EPB41L3: variants seen among roughly 807,000 people sequenced by gnomAD.
EPB41L3 encodes the protein band 4.1-like protein 3.
A neutral mutation model predicts 127.1 loss-of-function variants in EPB41L3; 57 were observed. The observed-to-expected ratio is 0.45, with a 90% CI of 0.36 to 0.56. The LOEUF is 0.56. Ranked by LOEUF, EPB41L3 falls within the 20% of genes least tolerant of loss-of-function variation. The pLI, the probability that EPB41L3 is intolerant of heterozygous loss-of-function variation, is 0.00. For synonymous variants in EPB41L3, 572 were observed against 549.5 expected (o/e 1.04, Z -0.57); for missense variants, 1,273 against 1,372.2 (o/e 0.93, Z 1.14).
rs1230437525 is a variant in EPB41L3, at chr18:5,392,889, A to C, written c.*596T>G. The C allele has an allele frequency of 2.0e-5, 3 of 152,674 alleles. No homozygotes were observed. The highest frequency in any genetic ancestry group is 7.2e-5 in the African/African-American group (3 of 41,452). 9.5% of individuals were successfully genotyped at this position (152,674 alleles called of 1,614,324 possible). A position where few individuals can be genotyped will look rare whatever the true frequency, so the allele number is the denominator to read the frequency against. ...CACAAAGCAAGATTGGAAGCATTAC[A>C]TATTTCCAGAGGGTCAGAGAGTCAT... On this transcript the variant is annotated 3_prime_UTR_variant, in exon 23 of 23. Coordinates refer to ENST00000341928, the MANE Select transcript of EPB41L3 (RefSeq NM_012307.5).
chr18:5,395,750 T>C, intron 19 of EPB41L3, 43 bp from the exon 20 acceptor site: 2 of 1,498,670 alleles, frequency 1.3e-6, no homozygotes, highest in Admixed American at 1.7e-5. Flanking sequence ...GGTGCTCACA[T>C]CTGCTCTTCA....
chr18:5,567,630 AAAG>A (rs2094224187), intron 3 of EPB41L3, among the ~76,000 whole-genome samples: 2 of 152,090 alleles, frequency 1.3e-5, no homozygotes, highest in Admixed American at 6.5e-5. Flanking sequence ...GGAAGGAAGG[AAAG>A]AAGGAAGGAA....
At chr18:5,459,610 A>G (rs143090903) in intron 3 of EPB41L3, among the ~76,000 whole-genome samples, 1,590 of 152,284 alleles carry the variant, frequency 0.01, 19 homozygotes, top group Non-Finnish European at 0.012. Flanking sequence ...ATATAAAGGA[A>G]GTTCTTAATC....
In EPB41L3 at chr18:5,393,123, A is replaced by C. The variant is rs2072669305; in HGVS notation, c.*362T>G. 1 of 220,760 alleles carries C rather than the reference A, an allele frequency of 4.5e-6. No homozygotes were observed. The highest frequency in any genetic ancestry group is 8.8e-6 in the Non-Finnish European group (1 of 113,654). 13.7% of individuals were successfully genotyped at this position (220,760 alleles called of 1,614,324 possible). On this transcript the variant is annotated 3_prime_UTR_variant, in exon 23 of 23. Transcript: ENST00000341928. ...ATTTTGTTTAGACTTTAATAATAAT[A>C]AACTATGAAAGGCATGAATTGTTTA... is the stretch of plus-strand genomic sequence containing the variant.
chr18:5,605,333 G>T (rs1475320834), intron 3 of EPB41L3, among the ~76,000 whole-genome samples: 2 of 152,098 alleles, frequency 1.3e-5, no homozygotes, highest in Admixed American at 1.3e-4. Flanking sequence ...AATTTCAAGT[G>T]TTAGGTACAC....
At chr18:5,557,655 G>C (rs1173359282) in intron 3 of EPB41L3, among the ~76,000 whole-genome samples, 1 of 152,208 alleles carries the variant, frequency 6.6e-6, no homozygotes, top group Non-Finnish European at 1.5e-5. Flanking sequence ...AAAGTGCTGG[G>C]ATTACAGGTG....
At chr18:5,400,278 G>A in intron 16 of EPB41L3, 2 of 253,196 alleles carry the variant, frequency 7.9e-6, no homozygotes, top group Non-Finnish European at 7.9e-6. Context: ...ATATGACCAG[G>A]TAGGTTAATA....
At chr18:5,609,645 AC>A (rs1262959046) in intron 3 of EPB41L3, among the ~76,000 whole-genome samples, 1 of 152,216 alleles carries the variant, frequency 6.6e-6, no homozygotes, top group Non-Finnish European at 1.5e-5. Flanking sequence ...TTATATCAAC[AC>A]ATCAACAACG....
intron 1 of EPB41L3, among the ~76,000 whole-genome samples, chr18:5,506,279 A>T (rs986003415): frequency 1.3e-5 from 2 of 152,114 alleles, no homozygotes; most frequent in Non-Finnish European, 2.9e-5. Flanking sequence ...ATGACTCTGC[A>T]TTTCCCTTAG....
At chr18:5,562,465 C>T (rs1248611257) in intron 3 of EPB41L3, among the ~76,000 whole-genome samples, 3 of 152,130 alleles carry the variant, frequency 2.0e-5, no homozygotes, top group Non-Finnish European at 1.5e-5. Context: ...TTCCATTTCT[C>T]CCTCAACCAA....
intron 1 of EPB41L3, among the ~76,000 whole-genome samples, chr18:5,628,485 G>C (rs1375273326): frequency 6.6e-6 from 1 of 152,190 alleles, no homozygotes; most frequent in African/African-American, 2.4e-5. Flanking sequence ...GCCTCGCCTC[G>C]CCTCCGGGAT....
At chr18:5,426,007 T>G (rs530423555) in intron 9 of EPB41L3, among the ~76,000 whole-genome samples, 1 of 152,288 alleles carries the variant, frequency 6.6e-6, no homozygotes, top group African/African-American at 2.4e-5. Context: ...GCTAACCACT[T>G]TCCTCTGAAA....
intron 20 of EPB41L3, 121 bp downstream of exon 20, chr18:5,395,488 C>T (rs748150867): frequency 2.7e-5 from 23 of 864,166 alleles, no homozygotes; most frequent in South Asian, 6.3e-5. Flanking sequence ...GCAGCTATCC[C>T]GGCGTCCTGA....
intron 1 of EPB41L3, among the ~76,000 whole-genome samples, chr18:5,622,799 AG>A (rs2094878217): frequency 6.6e-6 from 1 of 152,140 alleles, no homozygotes; most frequent in African/African-American, 2.4e-5. Context: ...TGTGACTATT[AG>A]GGGGAAAGAA....
chr18:5,460,474 T>C, intron 3 of EPB41L3, among the ~76,000 whole-genome samples: 1 of 152,210 alleles, frequency 6.6e-6, no homozygotes. Context: ...CACATAGATA[T>C]GTATTTGTAC....
chr18:5,437,318 C>T (rs1278814531), intron 6 of EPB41L3, among the ~76,000 whole-genome samples: 2 of 152,202 alleles, frequency 1.3e-5, no homozygotes, highest in African/African-American at 2.4e-5. Flanking sequence ...AAGAAGTCAG[C>T]ATTCTGCAAC....
At chr18:5,541,721 A>G (rs1402216588) in intron 1 of EPB41L3, among the ~76,000 whole-genome samples, 1 of 152,254 alleles carries the variant, frequency 6.6e-6, no homozygotes, top group African/African-American at 2.4e-5. Flanking sequence ...AATTGCTTTT[A>G]ACCTAAATCG....
intron 13 of EPB41L3, among the ~76,000 whole-genome samples, chr18:5,411,342 A>G (rs2144386091): frequency 6.6e-6 from 1 of 152,376 alleles, no homozygotes; most frequent in African/African-American, 2.4e-5. Context: ...CTTGCTCCAA[A>G]AATACCATTC....
At chr18:5,606,882 T>TTCTCTCTC (rs59299599) in intron 3 of EPB41L3, among the ~76,000 whole-genome samples, 45 of 141,624 alleles carry the variant, frequency 3.2e-4, no homozygotes, top group African/African-American at 1.0e-3. Context: ...CATGGCGTCA[T>TTCTCTCTC]TCTCTCTCTC....
Sources: allele counts gnomAD v4.1 joint callset (sites outside exome capture counted in the v4.1 genomes callset), GRCh38; gene constraint gnomAD v4.1.1; transcripts MANE v1.5; gene names NCBI Gene and HGNC (gene_info 2026-07-23, HGNC 2026-07-21).